WDR72: variants seen among roughly 807,000 people sequenced by gnomAD.
The protein encoded by WDR72 is WD repeat-containing protein 72.
A neutral mutation model predicts 124.2 loss-of-function variants in WDR72; 120 were observed. That is an observed-to-expected ratio of 0.97 (90% confidence interval 0.83 to 1.12). WDR72 has a LOEUF of 1.12. Among genes scored for constraint, WDR72 ranks in the 50% most tolerant of loss-of-function variants. The pLI, the probability that WDR72 is intolerant of heterozygous loss-of-function variation, is 0.00. For synonymous variants in WDR72, 452 were observed against 441.7 expected (o/e 1.02, Z -0.29); for missense variants, 1,387 against 1,278.8 (o/e 1.08, Z -1.29).
intron 1 of WDR72, among the ~76,000 whole-genome samples, chr15:53,758,859 G>T (rs1016010745): frequency 5.4e-5 from 8 of 147,340 alleles, no homozygotes; most frequent in Non-Finnish European, 1.2e-4. Context: ...GTATTGAAAT[G>T]GATACAAAAA....
Position 53,705,034 on chromosome 15 carries a change from C to CA in WDR72, c.1301dup (p.Leu434PhefsTer22). On this transcript the variant is annotated frameshift_variant, in exon 11 of 20. Coordinates refer to ENST00000360509, the MANE Select transcript of WDR72 (RefSeq NM_182758.4). LOFTEE classifies it high-confidence loss of function. ...CCAGAAGTCTTGCTTTGGCAGCATTCAAAGCCTGGGTAATGATAATTGTCC... is the reference window on the plus strand; with the variant it reads ...CCAGAAGTCTTGCTTTGGCAGCATTCAAAAGCCTGGGTAATGATAATTGTCC... 6.2e-7 allele frequency: 1 copy of CA among 1,614,064 alleles called. No individual in the cohort carries two copies. Among genetic ancestry groups the CA allele is most frequent in the Non-Finnish European group, 8.5e-7 (1 of 1,180,014 alleles).
At chr15:53,750,683 G>A (rs955523202) in intron 1 of WDR72, among the ~76,000 whole-genome samples, 7 of 152,204 alleles carry the variant, frequency 4.6e-5, no homozygotes, top group Admixed American at 1.3e-4. Context: ...GAGAACATTT[G>A]TGATTCATAG....
intron 14 of WDR72, among the ~76,000 whole-genome samples, chr15:53,617,059 T>C (rs2013796229): frequency 6.6e-6 from 1 of 151,944 alleles, no homozygotes; most frequent in South Asian, 2.1e-4. Context: ...ACTCAATTAA[T>C]GTTTGTTGAA....
intron 14 of WDR72, among the ~76,000 whole-genome samples, chr15:53,621,122 T>C (rs1180092081): frequency 6.6e-6 from 1 of 151,904 alleles, no homozygotes; most frequent in Non-Finnish European, 1.5e-5. Flanking sequence ...CTTGCAAGAA[T>C]GGCCATAATA....
chr15:53,637,564 T>C (rs775099134), intron 14 of WDR72, among the ~76,000 whole-genome samples: 19 of 152,320 alleles, frequency 1.2e-4, no homozygotes, highest in Non-Finnish European at 2.4e-4. Flanking sequence ...AAGTTCTTTT[T>C]TCCTTTCCTG....
rs1448944075 is a variant in WDR72 at position 53,514,851 on chromosome 15, G to A, written c.*2848C>T. 6.6e-6 allele frequency: 1 copy of A among 151,802 alleles called. No homozygotes were observed. Among genetic ancestry groups the A allele is most frequent in the African/African-American group, 2.4e-5 (1 of 41,324 alleles). 9.4% of individuals were successfully genotyped at this position (151,802 alleles called of 1,614,324 possible). A position where few individuals can be genotyped will look rare whatever the true frequency, so the allele number is the denominator to read the frequency against. Reference sequence around the variant, plus strand: ...TCTGACAAGCACAGCAAGCACACACGGCCTGGACACGCTGCCGAGGAGCCT... The same window carrying A: ...TCTGACAAGCACAGCAAGCACACACAGCCTGGACACGCTGCCGAGGAGCCT... On this transcript the variant is annotated 3_prime_UTR_variant, in exon 20 of 20. Coordinates refer to ENST00000360509, the MANE Select transcript of WDR72 (RefSeq NM_182758.4).
At chr15:53,636,719 T>G (rs1332307908) in intron 14 of WDR72, among the ~76,000 whole-genome samples, 1 of 152,180 alleles carries the variant, frequency 6.6e-6, no homozygotes, top group African/African-American at 2.4e-5. Context: ...GGAGTACGTC[T>G]TGTGGGTTCC....
In WDR72 at chr15:53,711,333, C is replaced by T. The variant is rs367585830; in HGVS notation, c.857+3G>A. ...TTTGTATGCCGCTCCCATCTGAGCC[C>T]ACCTGTTCAGCAGCTGATAGATGTA... On this transcript the variant is annotated splice_donor_region_variant and intron_variant, in intron 8 of 19. Coordinates refer to ENST00000360509, the MANE Select transcript of WDR72 (RefSeq NM_182758.4). The T allele has an allele frequency of 9.9e-6, 16 of 1,614,008 alleles. No individual in the cohort carries two copies. The African/African-American group carries it at 1.2e-4, about 12-fold the overall frequency.
At chr15:53,697,092 C>T (rs1287481580) in intron 13 of WDR72, among the ~76,000 whole-genome samples, 1 of 152,200 alleles carries the variant, frequency 6.6e-6, no homozygotes, top group Non-Finnish European at 1.5e-5. Context: ...CTTATATTCT[C>T]TAGGTTACTT....
chr15:53,650,901 T>G (rs942341464), intron 14 of WDR72, among the ~76,000 whole-genome samples: 2 of 149,748 alleles, frequency 1.3e-5, no homozygotes, highest in Non-Finnish European at 1.5e-5. Context: ...CAGTTTTTTT[T>G]TTTTTTTTTT....
At chr15:53,518,159 A>G (rs1257489428) in intron 19 of WDR72, among the ~76,000 whole-genome samples, 1 of 152,006 alleles carries the variant, frequency 6.6e-6, no homozygotes, top group Non-Finnish European at 1.5e-5. Flanking sequence ...CTGCAGTTTT[A>G]GGGTCAAAAT....
intron 16 of WDR72, 65 bp downstream of exon 16, chr15:53,613,601 A>C: frequency 9.9e-7 from 1 of 1,011,530 alleles, no homozygotes; most frequent in Admixed American, 1.7e-5. Flanking sequence ...AGTTATAGAA[A>C]GACTAGTTAT....
chr15:53,641,812 C>T (rs2014862287), intron 14 of WDR72, among the ~76,000 whole-genome samples: 1 of 151,604 alleles, frequency 6.6e-6, no homozygotes, highest in African/African-American at 2.4e-5. Flanking sequence ...TGTTTTTAGC[C>T]AACGACCATG....
intron 11 of WDR72, among the ~76,000 whole-genome samples, chr15:53,704,689 C>T (rs1325521970): frequency 1.6e-5 from 2 of 123,650 alleles, no homozygotes; most frequent in East Asian, 2.4e-4. Flanking sequence ...CCATGCCCAG[C>T]TTTTTTTTTT....
intron 1 of WDR72, among the ~76,000 whole-genome samples, chr15:53,749,397 A>G (rs1192748068): frequency 6.6e-6 from 1 of 152,118 alleles, no homozygotes; most frequent in African/African-American, 2.4e-5. Flanking sequence ...TTATGCCCAT[A>G]TAAGATGGCA....
chr15:53,621,012 A>G (rs1023863951), intron 14 of WDR72, among the ~76,000 whole-genome samples: 1 of 152,190 alleles, frequency 6.6e-6, no homozygotes, highest in Non-Finnish European at 1.5e-5. Context: ...AAATTATCAA[A>G]AGAAGATATA....
intron 18 of WDR72, among the ~76,000 whole-genome samples, chr15:53,548,760 C>T (rs893501722): frequency 6.6e-6 from 1 of 151,592 alleles, no homozygotes; most frequent in Non-Finnish European, 1.5e-5. Context: ...CTAGTTCTGA[C>T]CCCTTAAAAT....
chr15:53,650,787 A>G (rs1301789340), intron 14 of WDR72, among the ~76,000 whole-genome samples: 1 of 152,116 alleles, frequency 6.6e-6, no homozygotes, highest in Non-Finnish European at 1.5e-5. Flanking sequence ...TTGATGTTAA[A>G]ACAAACAACA....
At chr15:53,746,768 A>G (rs2018653567) in intron 1 of WDR72, among the ~76,000 whole-genome samples, 1 of 152,182 alleles carries the variant, frequency 6.6e-6, no homozygotes, top group African/African-American at 2.4e-5. Flanking sequence ...AGGTGGAGAT[A>G]AAAAGAGCTT....
Sources: gnomAD v4.1 joint callset for allele counts (sites outside exome capture counted in the v4.1 genomes callset) on GRCh38, gnomAD v4.1.1 for gene constraint, MANE v1.5 for transcripts, NCBI Gene and HGNC (gene_info 2026-07-23, HGNC 2026-07-21) for gene names.